TMEM40: variants seen among roughly 807,000 people sequenced by gnomAD.
TMEM40 encodes transmembrane protein 40.
In TMEM40, 34 loss-of-function variants were observed where a neutral mutation model predicts 40.8. That is an observed-to-expected ratio of 0.83 (90% confidence interval 0.63 to 1.11). The LOEUF is 1.11. Among genes scored for constraint, TMEM40 ranks in the 50% least tolerant of loss-of-function variants. The pLI is 0.00. For missense variants in TMEM40, 296 were observed against 280.2 expected (o/e 1.06, Z -0.40); for synonymous variants, 106 against 107.0 (o/e 0.99, Z 0.06).
At chr3:12,741,866 C>T (rs9825561) in intron 5 of TMEM40, among the ~76,000 whole-genome samples, 11 of 151,562 alleles carry the variant, frequency 7.3e-5, no homozygotes, top group South Asian at 2.1e-4. Context: ...AGGCCAAGGC[C>T]GGAGGATCAC....
At chr3:12,763,103 T>TC (rs2061580066), upstream of TMEM40, among the ~76,000 whole-genome samples, 1 of 134,090 alleles carries the variant, frequency 7.5e-6, no homozygotes, top group East Asian at 2.2e-4. Flanking sequence ...GAGCTTGCAG[T>TC]GAGCCGAGAT....
chr3:12,752,431 A>G (rs1470914126), intron 1 of TMEM40, among the ~76,000 whole-genome samples: 1 of 152,178 alleles, frequency 6.6e-6, no homozygotes, highest in Non-Finnish European at 1.5e-5. Flanking sequence ...TAACTAATCT[A>G]TTCCTATGAA....
intron 7 of TMEM40, 157 bp from the exon 8 acceptor site, chr3:12,737,911 C>A: frequency 1.1e-6 from 1 of 917,016 alleles, no homozygotes; most frequent in Middle Eastern, 2.2e-4. Flanking sequence ...GATGGGGGTA[C>A]TGTCCTTGGA....
At chr3:12,751,894 C>T (rs2061480446) in intron 1 of TMEM40, among the ~76,000 whole-genome samples, 1 of 152,140 alleles carries the variant, frequency 6.6e-6, no homozygotes, top group Admixed American at 6.6e-5. Flanking sequence ...TTTTTCCAGT[C>T]TCATCTCCAT....
rs1033645097 is a variant in TMEM40, at chr3:12,734,622, C to A, written c.*152G>T. 8.9e-6 allele frequency: 8 copies of A among 899,210 alleles called. No homozygotes were observed. The African/African-American group carries it at 1.3e-4, about 15-fold the overall frequency. The allele number at this position is 899,210 out of a possible 1,614,324, so 55.7% of individuals were successfully genotyped here. A position where few individuals can be genotyped will look rare whatever the true frequency, so the allele number is the denominator to read the frequency against. Reference sequence around the variant, plus strand: ...ATGCCCCTGCCCGGGCTGGTGCCAACATTCAGACCACATGGAAGGAAAAGT... The same window carrying A: ...ATGCCCCTGCCCGGGCTGGTGCCAAAATTCAGACCACATGGAAGGAAAAGT... On this transcript the variant is annotated 3_prime_UTR_variant, in exon 12 of 12. Transcript: ENST00000314124.
In TMEM40 at chr3:12,734,101, T is replaced by A. The variant is rs1334526865; in HGVS notation, c.*673A>T. On this transcript the variant is annotated 3_prime_UTR_variant, in exon 12 of 12. Coordinates refer to ENST00000314124, the MANE Select transcript of TMEM40 (RefSeq NM_018306.4). ...GGTCATTAAAAAAAAATTGTAGAGA[T>A]GGGGGTCTCACTATGTTGCCCAGGT... 1.3e-5 allele frequency: 2 copies of A among 151,950 alleles called. No homozygotes were observed. The highest frequency in any genetic ancestry group is 2.9e-5 in the Non-Finnish European group (2 of 68,032). The allele number at this position is 151,950 out of a possible 1,614,324, so 9.4% of individuals were successfully genotyped here.
intron 3 of TMEM40, among the ~76,000 whole-genome samples, chr3:12,746,023 G>A (rs961462428): frequency 4.0e-5 from 6 of 151,558 alleles, no homozygotes; most frequent in Non-Finnish European, 4.4e-5. Flanking sequence ...TCAGCCTCCC[G>A]AGTAGCTGGG....
intron 4 of TMEM40, among the ~76,000 whole-genome samples, 169 bp downstream of exon 4, chr3:12,743,731 T>TGTC (rs1176689658): frequency 1.3e-5 from 2 of 152,210 alleles, no homozygotes; most frequent in Admixed American, 1.3e-4. Flanking sequence ...AGAGCAGAGC[T>TGTC]GTCACCAGGG....
In TMEM40 at chr3:12,749,614, G is replaced by A. The variant is rs903795746; in HGVS notation, c.73+146C>T. ...GGACCATGCAAATGTGTGTGTGCATGTGTGTAAAACCACTACTTCCCCATT... is the reference window on the plus strand; with the variant it reads ...GGACCATGCAAATGTGTGTGTGCATATGTGTAAAACCACTACTTCCCCATT... On this transcript the variant is annotated intron_variant, in intron 2 of 11. Coordinates refer to ENST00000314124, the MANE Select transcript of TMEM40 (RefSeq NM_018306.4). 7.7e-5 allele frequency: 51 copies of A among 666,544 alleles called. No individual in the cohort carries two copies. The African/African-American group carries it at 8.8e-4, about 12-fold the overall frequency. 41.3% of individuals were successfully genotyped at this position (666,544 alleles called of 1,614,324 possible). A position where few individuals can be genotyped will look rare whatever the true frequency, so the allele number is the denominator to read the frequency against.
chr3:12,768,737 G>C (rs2061606174), intron 1 of TMEM40, among the ~76,000 whole-genome samples: 1 of 152,156 alleles, frequency 6.6e-6, no homozygotes, highest in Non-Finnish European at 1.5e-5. Flanking sequence ...TCACCCAGTG[G>C]ATCCCGCACC....
chr3:12,760,524 G>A (rs2061562061), upstream of TMEM40, among the ~76,000 whole-genome samples: 1 of 151,780 alleles, frequency 6.6e-6, no homozygotes, highest in African/African-American at 2.4e-5. Flanking sequence ...AAAGCCACCT[G>A]GCCCCCCGCT....
At chr3:12,769,146 C>T (rs1419535339) in intron 1 of TMEM40, 2 of 249,562 alleles carry the variant, frequency 8.0e-6, no homozygotes, top group South Asian at 2.9e-5. Flanking sequence ...CTGGCGGGGC[C>T]TCTCCAAGTG....
chr3:12,737,833 G>A, intron 7 of TMEM40, 79 bp from the exon 8 acceptor site: 1 of 1,392,692 alleles, frequency 7.2e-7, no homozygotes, highest in Non-Finnish European at 1.0e-6. Flanking sequence ...GCCTCATTGA[G>A]AATTAATATC....
chr3:12,755,524 G>A (rs892760210), intron 1 of TMEM40, among the ~76,000 whole-genome samples: 1 of 152,028 alleles, frequency 6.6e-6, no homozygotes, highest in Non-Finnish European at 1.5e-5. Flanking sequence ...ATGTGAGGTG[G>A]CAAGTTGAGG....
rs1177619740 is a variant in TMEM40 at position 12,748,666 on chromosome 3, G to A, written c.200C>T (p.Ser67Phe). 6 of 1,612,518 alleles carry A rather than the reference G, an allele frequency of 3.7e-6. 1 individual carries two copies. In the South Asian group the frequency reaches 4.4e-5, roughly 12 times the overall value. ...AATCTCTGCTATACCTGAGGAGGAG[G>A]AGGATGAAGAAGATGAGGAGGATGA... The part of the protein sequence containing the change: ...SSSSSSSSSS[S>F]SSSESNDEDQ... Residue 67 changes from serine (S) to phenylalanine (F), a missense_variant, in exon 3 of 12, where the codon TCC becomes TTC. Transcript: ENST00000314124.
intron 4 of TMEM40, 81 bp from the exon 5 acceptor site, chr3:12,742,588 T>C: frequency 6.6e-7 from 1 of 1,523,650 alleles, no homozygotes; most frequent in Non-Finnish European, 9.1e-7. Context: ...GCTTCGACGC[T>C]TAAGAAGTAC....
chr3:12,746,498 A>T (rs2061429561), intron 3 of TMEM40, among the ~76,000 whole-genome samples: 1 of 152,214 alleles, frequency 6.6e-6, no homozygotes, highest in Non-Finnish European at 1.5e-5. Context: ...TAACTGGATT[A>T]AAACAGGTAT....
Position 12,738,182 on chromosome 3 carries a change from A to G in TMEM40, c.392-14T>C. The G allele has an allele frequency of 6.2e-7, 1 of 1,613,782 alleles. No homozygotes were observed. Among genetic ancestry groups the G allele is most frequent in the African/African-American group, 1.3e-5 (1 of 75,012 alleles). ...TCCTTCGGAGTCCTGGAAACAAGAA[A>G]CTCAACATTAGTGCCCAACCCCGCT... On this transcript the variant is annotated splice_polypyrimidine_tract_variant and intron_variant, in intron 6 of 11. Coordinates refer to ENST00000314124, the MANE Select transcript of TMEM40 (RefSeq NM_018306.4).
At chr3:12,765,067 G>C (rs1309485740) in intron 1 of TMEM40, among the ~76,000 whole-genome samples, 1 of 151,956 alleles carries the variant, frequency 6.6e-6, no homozygotes, top group East Asian at 1.9e-4. Context: ...AGACAAGCCA[G>C]TCTGGTCTTG....
Sources: allele counts gnomAD v4.1 joint callset (sites outside exome capture counted in the v4.1 genomes callset), GRCh38; gene constraint gnomAD v4.1.1; transcripts MANE v1.5; gene names NCBI Gene and HGNC (gene_info 2026-07-23, HGNC 2026-07-21).